The following AJAP1 variants were observed in gnomAD, a reference collection of about 807,000 sequenced individuals.
AJAP1 encodes the protein adherens junctions associated protein 1.
In AJAP1, 5 loss-of-function variants were observed where a neutral mutation model predicts 35.0. The observed-to-expected ratio is 0.14, with a 90% confidence interval of 0.07 to 0.30. AJAP1 has a LOEUF of 0.30. Among genes scored for constraint, AJAP1 ranks in the 10% least tolerant of loss-of-function variants. The pLI is 1.00. For missense variants in AJAP1, 586 were observed against 571.0 expected (o/e 1.03, Z -0.27); for synonymous variants, 284 against 249.3 (o/e 1.14, Z -1.31).
intron 2 of AJAP1, among the ~76,000 whole-genome samples, chr1:4,756,746 G>A (rs1242221961): frequency 6.6e-6 from 1 of 152,216 alleles, no homozygotes; most frequent in Non-Finnish European, 1.5e-5. Context: ...TTTGCTTTCT[G>A]GAGGCCTCTC....
chr1:4,679,791 A>G (rs1639438188), intron 1 of AJAP1, among the ~76,000 whole-genome samples: 1 of 151,048 alleles, frequency 6.6e-6, no homozygotes, highest in Admixed American at 6.6e-5. Context: ...GGTTCTGCTT[A>G]GAAACAGAAC....
intron 2 of AJAP1, among the ~76,000 whole-genome samples, chr1:4,738,432 TA>T (rs988106376): frequency 2.2e-4 from 33 of 152,038 alleles, no homozygotes; most frequent in African/African-American, 6.8e-4. Context: ...GGAGGGTGAT[TA>T]GGGGGTAGCT....
At chr1:4,659,091 T>C (rs1477014473) in intron 1 of AJAP1, among the ~76,000 whole-genome samples, 2 of 152,182 alleles carry the variant, frequency 1.3e-5, no homozygotes, top group Non-Finnish European at 2.9e-5. Context: ...AGTGTGACCC[T>C]GGGTTACAAT....
intron 1 of AJAP1, among the ~76,000 whole-genome samples, chr1:4,705,736 C>T (rs957123086): frequency 6.6e-6 from 1 of 152,108 alleles, no homozygotes; most frequent in Non-Finnish European, 1.5e-5. Flanking sequence ...CCTGACCAGT[C>T]CTCCTTAGAA....
At chr1:4,727,378 T>TG (rs1640689768) in intron 2 of AJAP1, among the ~76,000 whole-genome samples, 1 of 152,166 alleles carries the variant, frequency 6.6e-6, no homozygotes, top group Non-Finnish European at 1.5e-5. Context: ...CCCTCTCCTG[T>TG]GGGGGACAGT....
At chr1:4,670,147 G>C (rs1163651224) in intron 1 of AJAP1, among the ~76,000 whole-genome samples, 1 of 152,134 alleles carries the variant, frequency 6.6e-6, no homozygotes, top group South Asian at 2.1e-4. Context: ...GCCAATGCAG[G>C]CTCCTTCCCC....
At chr1:4,726,837 G>A (rs1640672765) in intron 2 of AJAP1, among the ~76,000 whole-genome samples, 1 of 152,196 alleles carries the variant, frequency 6.6e-6, no homozygotes, top group Admixed American at 6.5e-5. Flanking sequence ...CAGGGTCCCT[G>A]GGGGATGGGG....
At position 4,704,619 on chromosome 1, in the gene AJAP1, G is replaced by A. The variant is rs541629051; in HGVS notation, c.30-7281G>A. ...GTGAATAGTGCCACAATAAACATACGTGTGCATGTGTCTTTATAGCAGCAT... is the reference window on the plus strand; with the variant it reads ...GTGAATAGTGCCACAATAAACATACATGTGCATGTGTCTTTATAGCAGCAT... On this transcript the variant is annotated intron_variant, in intron 1 of 5. Transcript: ENST00000378191. Among the ~76,000 whole-genome samples the A allele has an allele frequency of 9.1e-3, 1,347 of 148,686 alleles. 12 individuals carry two copies. Among genetic ancestry groups the A allele is most frequent in the African/African-American group, 0.03 (1,235 of 41,268 alleles).
intron 2 of AJAP1, among the ~76,000 whole-genome samples, chr1:4,757,071 A>T (rs1476063301): frequency 6.6e-6 from 1 of 152,046 alleles, no homozygotes; most frequent in African/African-American, 2.4e-5. Context: ...TTGTTTGGGG[A>T]GGTGATAAGG....
At chr1:4,766,640 C>G (rs1014797514) in intron 2 of AJAP1, among the ~76,000 whole-genome samples, 3 of 152,220 alleles carry the variant, frequency 2.0e-5, no homozygotes, top group Non-Finnish European at 4.4e-5. Flanking sequence ...GAAACCCACA[C>G]TCCAGGTTTT....
chr1:4,678,261 A>T (rs1639403679), intron 1 of AJAP1, among the ~76,000 whole-genome samples: 1 of 152,248 alleles, frequency 6.6e-6, no homozygotes, highest in African/African-American at 2.4e-5. Flanking sequence ...ATTGTATCAC[A>T]AATATGAGTG....
chr1:4,655,371 CGCGCAGATGGCCTGGGCGAGCCA>C lies in AJAP1; in HGVS notation c.-53_-31del. On this transcript the variant is annotated 5_prime_UTR_variant, in exon 1 of 6. An upstream start codon of the reference 5' UTR is lost. Transcript: ENST00000378191. This position sits in a 1 kb window ranked among gnomAD's most constrained non-coding sequence, Gnocchi z 6.9. ...GACGGAAGCGAGCGGGCGCGGGCGC[CGCGCAGATGGCCTGGGCGAGCCA>C]GGTCTGAGGCCCCGCTCCCCGAAAC... is the stretch of plus-strand genomic sequence containing the variant. The C allele has an allele frequency of 6.7e-7, 1 of 1,497,960 alleles. No homozygotes were observed. The highest frequency in any genetic ancestry group is 2.1e-5 in the Admixed American group (1 of 48,320). 92.8% of individuals were successfully genotyped at this position (1,497,960 alleles called of 1,614,324 possible).
rs958383179 is a variant in AJAP1, at chr1:4,790,335, A to G, written c.*7850A>G. ...TGACTGCCTACCACTTAAGGCCTAC[A>G]AAACCACATGGGAGTTTCTTTATTG... On this transcript the variant is annotated 3_prime_UTR_variant, in exon 6 of 6. Transcript: ENST00000378191. 2 of 152,244 alleles carry G rather than the reference A, an allele frequency of 1.3e-5. No individual in the cohort carries two copies. The highest frequency in any genetic ancestry group is 4.8e-5 in the African/African-American group (2 of 41,470). 9.4% of individuals were successfully genotyped at this position (152,244 alleles called of 1,614,324 possible).
intron 2 of AJAP1, among the ~76,000 whole-genome samples, chr1:4,740,679 C>G (rs1452978335): frequency 6.7e-6 from 1 of 148,782 alleles, no homozygotes; most frequent in Non-Finnish European, 1.5e-5. Context: ...CCAGCTACTC[C>G]AGAGGCTGAG....
At chr1:4,673,627 G>A (rs555688496) in intron 1 of AJAP1, among the ~76,000 whole-genome samples, 3 of 152,300 alleles carry the variant, frequency 2.0e-5, no homozygotes, top group Admixed American at 6.5e-5. Context: ...AGGGAGCAGG[G>A]GTCATGAGGC....
chr1:4,684,657 T>A (rs978221626), intron 1 of AJAP1, among the ~76,000 whole-genome samples: 1 of 152,180 alleles, frequency 6.6e-6, no homozygotes, highest in Non-Finnish European at 1.5e-5. Context: ...TGCCTCCAAA[T>A]GGACCTACAT....
intron 1 of AJAP1, among the ~76,000 whole-genome samples, chr1:4,707,240 G>A (rs1305385278): frequency 2.0e-5 from 3 of 152,154 alleles, no homozygotes; most frequent in Non-Finnish European, 4.4e-5. Flanking sequence ...CACAACCCTT[G>A]CACACACCCC....
At chr1:4,715,142 T>C (rs886147990) in intron 2 of AJAP1, among the ~76,000 whole-genome samples, 2 of 152,218 alleles carry the variant, frequency 1.3e-5, no homozygotes, top group East Asian at 1.9e-4. Context: ...AGTCATCAGA[T>C]GCAGACCTGC....
At chr1:4,762,361 A>G (rs779411608) in intron 2 of AJAP1, among the ~76,000 whole-genome samples, 1 of 152,148 alleles carries the variant, frequency 6.6e-6, no homozygotes, top group Admixed American at 6.6e-5. Flanking sequence ...CAGATAATAC[A>G]ACGGTACAAC....
Sources: gnomAD v4.1 joint callset for allele counts (sites outside exome capture counted in the v4.1 genomes callset) on GRCh38, gnomAD v4.1.1 for gene constraint, Gnocchi (gnomAD v3.1) non-coding constraint, MANE v1.5 for transcripts, NCBI Gene and HGNC (gene_info 2026-07-23, HGNC 2026-07-21) for gene names.